The following NCAM2 variants were observed in gnomAD, a reference collection of about 807,000 sequenced individuals.
NCAM2 encodes the protein neural cell adhesion molecule 2, also known as N-CAM-2.
NCAM2 carries 30 observed loss-of-function variants against 98.1 expected under a neutral mutation model. The observed-to-expected ratio is 0.31, with a 90% confidence interval of 0.23 to 0.41. The LOEUF (loss-of-function observed/expected upper bound fraction) is 0.41, where lower values mean the gene tolerates loss of function less well. Among genes scored for constraint, NCAM2 ranks in the 10% least tolerant of loss-of-function variants. The probability of loss-of-function intolerance (pLI) is 1.00; values close to 1 mark genes in which losing one functional copy is unlikely to be tolerated. For missense variants in NCAM2, 867 were observed against 1,005.8 expected (o/e 0.86, Z 1.87); for synonymous variants, 368 against 342.4 (o/e 1.07, Z -0.83).
At chr21:21,353,045 G>A (rs532949150) in intron 8 of NCAM2, among the ~76,000 whole-genome samples, 2 of 151,598 alleles carry the variant, frequency 1.3e-5, no homozygotes, top group Non-Finnish European at 2.9e-5. Flanking sequence ...GTAGAGATGG[G>A]GTTTCACCAT....
chr21:21,036,550 CAT>C (rs2064801258), intron 1 of NCAM2, among the ~76,000 whole-genome samples: 1 of 152,100 alleles, frequency 6.6e-6, no homozygotes, highest in Non-Finnish European at 1.5e-5. Context: ...GCACAGAAGT[CAT>C]ATGAAATATG....
chr21:21,214,159 G>A (rs981010706), intron 1 of NCAM2, among the ~76,000 whole-genome samples: 9 of 152,086 alleles, frequency 5.9e-5, no homozygotes, highest in African/African-American at 2.2e-4. Flanking sequence ...TGTTGTGTGG[G>A]TGTATTTTGT....
chr21:21,265,887 T>A (rs10222199), intron 1 of NCAM2, among the ~76,000 whole-genome samples: 14,408 of 152,030 alleles, frequency 0.095, 1,216 homozygotes, highest in East Asian at 0.34. Flanking sequence ...CCTGCACATG[T>A]ACCCCTGAAT....
At chr21:21,060,296 A>G (rs2065295391) in intron 1 of NCAM2, among the ~76,000 whole-genome samples, 1 of 152,172 alleles carries the variant, frequency 6.6e-6, no homozygotes, top group Admixed American at 6.5e-5. Flanking sequence ...ATCAAATTAT[A>G]TTAATTTTAG....
At chr21:21,364,825 C>T (rs934932574) in intron 8 of NCAM2, among the ~76,000 whole-genome samples, 2 of 151,996 alleles carry the variant, frequency 1.3e-5, no homozygotes, top group African/African-American at 4.8e-5. Flanking sequence ...AACTATGGAA[C>T]TAGTGACAAT....
At chr21:21,048,880 T>C (rs1402383797) in intron 1 of NCAM2, among the ~76,000 whole-genome samples, 1 of 152,196 alleles carries the variant, frequency 6.6e-6, no homozygotes, top group Non-Finnish European at 1.5e-5. Flanking sequence ...TTCTTCTTTG[T>C]TGGGTTTAAT....
At chr21:21,196,234 C>T (rs1309799669) in intron 1 of NCAM2, among the ~76,000 whole-genome samples, 1 of 152,098 alleles carries the variant, frequency 6.6e-6, no homozygotes, top group East Asian at 1.9e-4. Context: ...CTGCCTCAAC[C>T]GCAGAGAGCT....
intron 8 of NCAM2, among the ~76,000 whole-genome samples, chr21:21,341,262 A>G (rs1444354): frequency 0.99 from 151,169 of 152,140 alleles, 75,110 homozygotes; most frequent in Non-Finnish European, 1. Context: ...CATAAGAATC[A>G]CGTGGGAAGA....
At position 21,042,280 on chromosome 21, in the gene NCAM2, G is replaced by A. The variant is rs561121755; in HGVS notation, c.55+43662G>A. On this transcript the variant is annotated intron_variant, in intron 1 of 17. Transcript: ENST00000400546. ...GCTCACCACAACCTCTGCCTCCCAG[G>A]TTCACACGATTCTCCTGCGTCAGCC... 5.9e-5 allele frequency among the ~76,000 whole-genome samples: 9 copies of A among 152,178 alleles called. No homozygotes were observed. In the South Asian group the frequency reaches 1.5e-3, roughly 25 times the overall value.
chr21:21,121,718 C>T (rs896378907), intron 1 of NCAM2, among the ~76,000 whole-genome samples: 1 of 152,304 alleles, frequency 6.6e-6, no homozygotes, highest in Non-Finnish European at 1.5e-5. Flanking sequence ...CTCACTAAAA[C>T]GTTTGGAAGT....
At chr21:21,020,644 G>C (rs934471855) in intron 1 of NCAM2, among the ~76,000 whole-genome samples, 1 of 152,084 alleles carries the variant, frequency 6.6e-6, no homozygotes, top group African/African-American at 2.4e-5. Context: ...GCTCTCCCTC[G>C]GGACTTGGCT....
chr21:21,111,706 A>G (rs1423114083), intron 1 of NCAM2, among the ~76,000 whole-genome samples: 2 of 152,110 alleles, frequency 1.3e-5, no homozygotes, highest in African/African-American at 4.8e-5. Context: ...GTTCTCTTTT[A>G]TTTCTTTTTT....
intron 1 of NCAM2, among the ~76,000 whole-genome samples, chr21:21,146,305 TTG>T (rs2067272325): frequency 6.6e-6 from 1 of 151,738 alleles, no homozygotes; most frequent in South Asian, 2.1e-4. Flanking sequence ...TTGTTTTGTT[TTG>T]TTTTTTCATG....
At chr21:21,307,199 T>G (rs1454062489) in intron 5 of NCAM2, among the ~76,000 whole-genome samples, 2 of 152,132 alleles carry the variant, frequency 1.3e-5, no homozygotes, top group East Asian at 3.9e-4. Context: ...ATAGTTTTAT[T>G]TTTCTTCTGT....
At chr21:21,393,318 T>G (rs1358926244) in intron 9 of NCAM2, among the ~76,000 whole-genome samples, 1 of 152,182 alleles carries the variant, frequency 6.6e-6, no homozygotes, top group Admixed American at 6.5e-5. Context: ...TCTGCTCTTG[T>G]ATCAGTACCA....
intron 16 of NCAM2, among the ~76,000 whole-genome samples, chr21:21,515,779 A>G (rs1043549888): frequency 1.3e-5 from 2 of 152,170 alleles, no homozygotes; most frequent in Non-Finnish European, 2.9e-5. Context: ...ACCCGTGTAA[A>G]GTACTGTATA....
intron 1 of NCAM2, among the ~76,000 whole-genome samples, chr21:21,007,436 G>C (rs963162755): frequency 6.6e-6 from 1 of 152,124 alleles, no homozygotes; most frequent in Non-Finnish European, 1.5e-5. Flanking sequence ...TAAAAGAATG[G>C]CTACTTCATA....
chr21:21,009,897 G>GTGTGTT (rs978787319), intron 1 of NCAM2, among the ~76,000 whole-genome samples: 2 of 151,230 alleles, frequency 1.3e-5, no homozygotes, highest in African/African-American at 4.9e-5. Context: ...GTGTGTGTGT[G>GTGTGTT]TGTGTGTGTG....
intron 1 of NCAM2, among the ~76,000 whole-genome samples, chr21:21,075,530 G>A (rs8131892): frequency 2.0e-5 from 3 of 152,148 alleles, no homozygotes; most frequent in East Asian, 1.9e-4. Context: ...TGTATTTGCC[G>A]TGTTCTTCAT....
Sources: gnomAD v4.1 joint callset for allele counts (sites outside exome capture counted in the v4.1 genomes callset) on GRCh38, gnomAD v4.1.1 for gene constraint, MANE v1.5 for transcripts, NCBI Gene and HGNC (gene_info 2026-07-23, HGNC 2026-07-21) for gene names.